MROH2B: variants seen among roughly 807,000 people sequenced by gnomAD.
MROH2B encodes maestro heat like repeat family member 2B.
Under a neutral mutation model 208.6 loss-of-function variants are expected in MROH2B, and 177 were observed. That is an observed-to-expected ratio of 0.85 (90% CI 0.75 to 0.96). The LOEUF is 0.96. MROH2B is among the 40% of genes least tolerant of loss of function. The probability of loss-of-function intolerance (pLI) is 0.00; values close to 1 mark genes in which losing one functional copy is unlikely to be tolerated. For missense variants in MROH2B, 2,002 were observed against 1,878.7 expected, an observed-to-expected ratio of 1.07 and a Z score of -1.21; for synonymous variants, 728 against 659.0, an observed-to-expected ratio of 1.10 and a Z score of -1.60.
intron 34 of MROH2B, among the ~76,000 whole-genome samples, chr5:41,006,536 A>ACG (rs1741599392): frequency 6.6e-6 from 1 of 152,146 alleles, no homozygotes; most frequent in Non-Finnish European, 1.5e-5. Flanking sequence ...ACTTGCACAC[A>ACG]CATGTTTACA....
chr5:41,010,693 A>G (rs1376901359), intron 30 of MROH2B, among the ~76,000 whole-genome samples: 3 of 152,200 alleles, frequency 2.0e-5, no homozygotes, highest in Non-Finnish European at 4.4e-5. Flanking sequence ...ATACTGGTGG[A>G]TACATGTCAT....
In MROH2B at chr5:41,000,841, G is replaced by A; in HGVS notation, c.4195-8C>T. On this transcript the variant is annotated splice_polypyrimidine_tract_variant and splice_region_variant and intron_variant, in intron 37 of 41. Coordinates refer to ENST00000399564, the MANE Select transcript of MROH2B (RefSeq NM_173489.5). ...TCTCACATCATCCTGCTCCTGTGGT[G>A]ACGAATGCATGTCGTGGTGAATATC... The A allele has an allele frequency of 6.2e-7, 1 of 1,606,354 alleles. No individual in the cohort carries two copies. Among genetic ancestry groups the A allele is most frequent in the South Asian group, 1.1e-5 (1 of 89,330 alleles).
intron 37 of MROH2B, among the ~76,000 whole-genome samples, chr5:41,003,434 C>CA (rs1741469948): frequency 6.6e-6 from 1 of 151,848 alleles, no homozygotes; most frequent in East Asian, 1.9e-4. Context: ...GTTAGCATGC[C>CA]AAAATCAGGA....
At chr5:41,020,741 G>A in intron 24 of MROH2B, among the ~76,000 whole-genome samples, 1 of 152,162 alleles carries the variant, frequency 6.6e-6, no homozygotes, top group East Asian at 1.9e-4. Context: ...GGTTAAGTAA[G>A]ATGAGACATA....
intron 35 of MROH2B, 35 bp downstream of exon 35, chr5:41,005,496 C>A (rs2111809922): frequency 7.4e-7 from 1 of 1,346,796 alleles, no homozygotes; most frequent in Non-Finnish European, 1.0e-6. Context: ...CTATGGGGAC[C>A]CAGTGAGTGT....
intron 15 of MROH2B, 90 bp downstream of exon 15, chr5:41,049,011 T>A: frequency 1.6e-6 from 2 of 1,246,632 alleles, no homozygotes; most frequent in South Asian, 2.8e-5. Context: ...GTTTGGAGTA[T>A]CTATGTAATT....
intron 6 of MROH2B, 94 bp from the exon 7 acceptor site, chr5:41,058,297 T>C: frequency 8.2e-7 from 1 of 1,219,436 alleles, no homozygotes; most frequent in South Asian, 2.3e-5. Context: ...TCCTGAAAAC[T>C]TTCCTCACTG....
chr5:41,033,783 A>C, intron 22 of MROH2B, 55 bp downstream of exon 22: 1 of 815,278 alleles, frequency 1.2e-6, no homozygotes, highest in East Asian at 3.2e-5. Flanking sequence ...GGGGGGCATT[A>C]TCTATCTATC....
At chr5:41,033,210 C>T in intron 22 of MROH2B, 50 bp from the exon 23 acceptor site, 1 of 1,600,872 alleles carries the variant, frequency 6.2e-7, no homozygotes, top group Non-Finnish European at 8.5e-7. Flanking sequence ...ACACCACACT[C>T]AGGTCTATTA....
intron 2 of MROH2B, among the ~76,000 whole-genome samples, chr5:41,068,938 G>C (rs1401259590): frequency 6.6e-6 from 1 of 152,154 alleles, no homozygotes; most frequent in Non-Finnish European, 1.5e-5. Flanking sequence ...TCTAATATAT[G>C]GTCAGGGTTG....
chr5:41,036,480 G>A (rs562567640), intron 21 of MROH2B, among the ~76,000 whole-genome samples: 63 of 152,202 alleles, frequency 4.1e-4, no homozygotes, highest in African/African-American at 1.4e-3. Context: ...GTCTTTATCA[G>A]CAGAGTGAAA....
intron 17 of MROH2B, among the ~76,000 whole-genome samples, chr5:41,046,704 G>A (rs1321421573): frequency 6.6e-6 from 1 of 152,054 alleles, no homozygotes; most frequent in African/African-American, 2.4e-5. Context: ...AGGAACTGTT[G>A]TCAAGACTTC....
At chr5:41,049,030 C>T (rs374164741) in intron 15 of MROH2B, 71 bp downstream of exon 15, 1 of 1,414,604 alleles carries the variant, frequency 7.1e-7, no homozygotes. Context: ...TTTATATTAG[C>T]ACTTATTTGG....
At chr5:41,022,557 C>T (rs907517326) in intron 24 of MROH2B, among the ~76,000 whole-genome samples, 8 of 152,166 alleles carry the variant, frequency 5.3e-5, no homozygotes, top group Admixed American at 2.0e-4. Flanking sequence ...CCGAGAAGCT[C>T]GAACTTGGTG....
chr5:41,052,419 C>G (rs750591803), intron 12 of MROH2B, 46 bp downstream of exon 12: 16 of 1,510,512 alleles, frequency 1.1e-5, no homozygotes, highest in Non-Finnish European at 1.4e-5. Flanking sequence ...GTTGAGCGAA[C>G]TGTACTTTTT....
chr5:41,064,405 T>C, intron 5 of MROH2B, 67 bp downstream of exon 5: 2 of 1,336,982 alleles, frequency 1.5e-6, no homozygotes, highest in South Asian at 2.5e-5. Context: ...AACAAGACTT[T>C]TGCTTAATTT....
intron 5 of MROH2B, among the ~76,000 whole-genome samples, chr5:41,063,270 G>A (rs1314401292): frequency 1.3e-5 from 2 of 152,208 alleles, no homozygotes; most frequent in Admixed American, 6.5e-5. Context: ...AGTAGGAATA[G>A]TAAAAAGTAT....
chr5:41,067,790 G>C (rs1036328650), intron 2 of MROH2B, among the ~76,000 whole-genome samples: 2 of 152,188 alleles, frequency 1.3e-5, no homozygotes, highest in Non-Finnish European at 2.9e-5. Flanking sequence ...TGACAACCAG[G>C]AGAGGCTACC....
intron 30 of MROH2B, 89 bp from the exon 31 acceptor site, chr5:41,010,168 G>T: frequency 2.5e-6 from 3 of 1,197,508 alleles, no homozygotes; most frequent in Non-Finnish European, 3.5e-6. Context: ...TGGATGGGCA[G>T]CTGATGAATT....
Sources: allele counts gnomAD v4.1 joint callset (sites outside exome capture counted in the v4.1 genomes callset), GRCh38; gene constraint gnomAD v4.1.1; transcripts MANE v1.5; gene names NCBI Gene and HGNC (gene_info 2026-07-23, HGNC 2026-07-21).